CPPED1: variants seen among roughly 807,000 people sequenced by gnomAD.
The protein encoded by CPPED1 is calcineurin like phosphoesterase domain containing 1.
In CPPED1, 28 loss-of-function variants were observed where a neutral mutation model predicts 28.0. That is an observed-to-expected ratio of 1.00 (90% CI 0.74 to 1.37). CPPED1 has a LOEUF of 1.37. CPPED1 is among the 40% of genes most tolerant of loss of function. The pLI, the probability that CPPED1 is intolerant of heterozygous loss-of-function variation, is 0.00. For synonymous variants in CPPED1, 198 were observed against 180.2 expected, an observed-to-expected ratio of 1.10 and a Z score of -0.79; for missense variants, 504 against 416.5, an observed-to-expected ratio of 1.21 and a Z score of -1.83.
At position 12,682,488 on chromosome 16, in the gene CPPED1, T is replaced by G. The variant is rs1419366387; in HGVS notation, c.716-17373A>C. Among the ~76,000 whole-genome samples, 3 of 152,140 alleles carry G rather than the reference T, an allele frequency of 2.0e-5. No homozygotes were observed. Among genetic ancestry groups the G allele is most frequent in the Admixed American group, 1.3e-4 (2 of 15,268 alleles). On this transcript the variant is annotated intron_variant, in intron 3 of 3. Transcript: ENST00000381774. The surrounding 1 kb of genome is among the most constrained non-coding windows in gnomAD (Gnocchi z 6.1). ...GGTTGTCAGAAAAGCAGTGGCAGCC[T>G]GGGGTGGGAGCTAGGGGTTGGGAGA...
At chr16:12,803,635 G>T in intron 1 of CPPED1, 72 bp downstream of exon 1, 1 of 1,316,276 alleles carries the variant, frequency 7.6e-7, no homozygotes, top group Non-Finnish European at 1.0e-6. Flanking sequence ...GCGCACACCT[G>T]AACAAAAGGT....
In CPPED1 at chr16:12,709,225, T is replaced by C. The variant is rs2080067173; in HGVS notation, c.290-4176A>G. Reference sequence around the variant, plus strand: ...CAGGGTTCTATGTTCACAAAAAGAATGTATATAAAGGACAGGAAGAAAGGC... The same window carrying C: ...CAGGGTTCTATGTTCACAAAAAGAACGTATATAAAGGACAGGAAGAAAGGC... On this transcript the variant is annotated intron_variant, in intron 2 of 3. Coordinates refer to ENST00000381774, the MANE Select transcript of CPPED1 (RefSeq NM_018340.3). The surrounding 1 kb of genome is among the most constrained non-coding windows in gnomAD (Gnocchi z 4.4). Among the ~76,000 whole-genome samples the C allele has an allele frequency of 6.6e-6, 1 of 151,758 alleles. No homozygotes were observed. Among genetic ancestry groups the C allele is most frequent in the Non-Finnish European group, 1.5e-5 (1 of 67,986 alleles).
intron 2 of CPPED1, among the ~76,000 whole-genome samples, chr16:12,743,424 G>A (rs1017697150): frequency 2.0e-5 from 3 of 152,098 alleles, no homozygotes; most frequent in Non-Finnish European, 1.5e-5. Context: ...GATAAAGAAC[G>A]ATTTCTTAAA....
chr16:12,692,336 C>T (rs998126255), intron 3 of CPPED1, among the ~76,000 whole-genome samples: 28 of 152,176 alleles, frequency 1.8e-4, no homozygotes, highest in African/African-American at 5.6e-4. Context: ...TGGCAACACT[C>T]GGCAGTGGGT....
intron 3 of CPPED1, among the ~76,000 whole-genome samples, chr16:12,699,834 C>T (rs976385822): frequency 2.6e-5 from 4 of 152,122 alleles, no homozygotes; most frequent in African/African-American, 7.2e-5. Context: ...ATACCAGCTG[C>T]CATCGTCACC....
intron 2 of CPPED1, 22 bp downstream of exon 2, chr16:12,781,163 C>A: frequency 6.3e-7 from 1 of 1,599,636 alleles, no homozygotes; most frequent in South Asian, 1.1e-5. Flanking sequence ...GAAAAGGTCA[C>A]AAGCGATGAC....
chr16:12,781,121 C>T (rs1261653505), intron 2 of CPPED1, 64 bp downstream of exon 2: 9 of 1,460,550 alleles, frequency 6.2e-6, no homozygotes, highest in Non-Finnish European at 8.5e-6. Flanking sequence ...TTTTTTTCTC[C>T]TGCCCAAATG....
chr16:12,693,621 C>A (rs1343736664), intron 3 of CPPED1, among the ~76,000 whole-genome samples: 1 of 152,140 alleles, frequency 6.6e-6, no homozygotes, highest in Admixed American at 6.5e-5. Flanking sequence ...TAGATTTGTA[C>A]TTACACTGTG....
rs189040838 is a variant in CPPED1, at chr16:12,776,479, G to T, written c.289+4706C>A. Among the ~76,000 whole-genome samples the T allele has an allele frequency of 2.9e-3, 440 of 152,334 alleles. 2 individuals are homozygous for T. Among genetic ancestry groups the T allele is most frequent in the Admixed American group, 5.6e-3 (86 of 15,306 alleles). ...GCTCCCACAATTCCCACATGTTGTGGAAGGGACCTGGTGGGAGGTAACTGA... is the reference window on the plus strand; with the variant it reads ...GCTCCCACAATTCCCACATGTTGTGTAAGGGACCTGGTGGGAGGTAACTGA... On this transcript the variant is annotated intron_variant, in intron 2 of 3. Transcript: ENST00000381774.
rs111794434 is a variant in CPPED1, at chr16:12,767,862, C to T, written c.289+13323G>A. Among the ~76,000 whole-genome samples, 1,263 of 152,032 alleles carry T rather than the reference C, an allele frequency of 8.3e-3. 17 individuals carry two copies. The highest frequency in any genetic ancestry group is 0.029 in the African/African-American group (1,207 of 41,444). ...GTCCCAGTTACTTGGGAGGGTGAGG[C>T]GAGAGAATCACTTGAACCCAGGAGG... On this transcript the variant is annotated intron_variant, in intron 2 of 3. Transcript: ENST00000381774.
chr16:12,761,524 C>T (rs988604599), intron 2 of CPPED1, among the ~76,000 whole-genome samples: 20 of 152,150 alleles, frequency 1.3e-4, no homozygotes, highest in Admixed American at 2.6e-4. Context: ...TAGTAACAAG[C>T]TCTTCTCAAT....
intron 2 of CPPED1, among the ~76,000 whole-genome samples, chr16:12,712,708 G>C (rs2080086556): frequency 6.6e-6 from 1 of 152,082 alleles, no homozygotes; most frequent in Admixed American, 6.6e-5. Context: ...AGTGAAAACA[G>C]GAAGTTATTA....
intron 3 of CPPED1, among the ~76,000 whole-genome samples, chr16:12,678,255 A>C (rs2079887746): frequency 6.6e-6 from 1 of 152,254 alleles, no homozygotes; most frequent in East Asian, 1.9e-4. Context: ...AAAAAGGTCA[A>C]CTATTCTATA....
At chr16:12,782,983 C>T (rs2080541372) in intron 1 of CPPED1, among the ~76,000 whole-genome samples, 1 of 152,134 alleles carries the variant, frequency 6.6e-6, no homozygotes, top group Admixed American at 6.5e-5. Flanking sequence ...AATCAGTTCA[C>T]GTCCATGTGT....
intron 1 of CPPED1, among the ~76,000 whole-genome samples, chr16:12,782,507 C>CT (rs1411425711): frequency 6.7e-6 from 1 of 149,360 alleles, no homozygotes; most frequent in Admixed American, 6.7e-5. Flanking sequence ...CCTGCTAGCG[C>CT]TTAGTGGTGG....
At chr16:12,751,992 C>A (rs12149509) in intron 2 of CPPED1, among the ~76,000 whole-genome samples, 103,003 of 151,980 alleles carry the variant, frequency 0.68, 35,949 homozygotes, top group Admixed American at 0.8. Flanking sequence ...CTTCCTAGAG[C>A]CACCAAAGTC....
rs574406755 is a variant in CPPED1 at position 12,664,542 on chromosome 16, G to A, written c.*344C>T. ...TGGCTGTCAGATTGGAATTGAGGTC[G>A]ATAGGCAGACTTTGACCATATGCTA... On this transcript the variant is annotated 3_prime_UTR_variant, in exon 4 of 4. Coordinates refer to ENST00000381774, the MANE Select transcript of CPPED1 (RefSeq NM_018340.3). The surrounding 1 kb of genome is among the most constrained non-coding windows in gnomAD (Gnocchi z 4.2). 5.5e-6 allele frequency: 6 copies of A among 1,084,476 alleles called. No individual in the cohort carries two copies. Among genetic ancestry groups the A allele is most frequent in the East Asian group, 1.9e-4 (2 of 10,612 alleles). 67.2% of individuals were successfully genotyped at this position (1,084,476 alleles called of 1,614,324 possible).
chr16:12,677,943 G>A lies in CPPED1; in HGVS notation c.716-12828C>T, dbSNP rs375016277. Among the ~76,000 whole-genome samples, 273 of 152,302 alleles carry A rather than the reference G, an allele frequency of 1.8e-3. 1 individual carries two copies. The highest frequency in any genetic ancestry group is 5.6e-3 in the African/African-American group (231 of 41,578). ...ACTCAACTCCGCCTTCCTTTGTAGC[G>A]TGAAAACAGCCATAGAAAGTATATA... On this transcript the variant is annotated intron_variant, in intron 3 of 3. Transcript: ENST00000381774.
rs758276081 is a variant in CPPED1 at position 12,803,784 on chromosome 16, G to A, written c.-8C>T. 4 of 1,598,158 alleles carry A rather than the reference G, an allele frequency of 2.5e-6. No homozygotes were observed. Among genetic ancestry groups the A allele is most frequent in the Non-Finnish European group, 3.4e-6 (4 of 1,173,428 alleles). Reference sequence around the variant, plus strand: ...CGCCTCTGCAGCCGACATGGCGAGCGAGTTTCTGGCCTTCACTTAGAACAC... The same window carrying A: ...CGCCTCTGCAGCCGACATGGCGAGCAAGTTTCTGGCCTTCACTTAGAACAC... On this transcript the variant is annotated 5_prime_UTR_variant, in exon 1 of 4. Transcript: ENST00000381774.
Sources: allele counts gnomAD v4.1 joint callset (sites outside exome capture counted in the v4.1 genomes callset), GRCh38; gene constraint gnomAD v4.1.1; non-coding constraint Gnocchi (gnomAD v3.1); transcripts MANE v1.5; gene names NCBI Gene and HGNC (gene_info 2026-07-23, HGNC 2026-07-21).